DNAL1: variants seen among roughly 807,000 people sequenced by gnomAD.
The protein encoded by DNAL1 is dynein axonemal light chain 1, also known as chromosome 14 open reading frame 168.
In DNAL1, 17 loss-of-function variants were observed where a neutral mutation model predicts 29.4. The observed-to-expected ratio is 0.58, with a 90% CI of 0.40 to 0.87. The LOEUF (loss-of-function observed/expected upper bound fraction) is 0.87, where lower values mean the gene tolerates loss of function less well. Ranked by LOEUF, DNAL1 falls within the 40% of genes least tolerant of loss-of-function variation. The probability of loss-of-function intolerance (pLI) is 0.00; values close to 1 mark genes in which losing one functional copy is unlikely to be tolerated. For synonymous variants in DNAL1, 78 were observed against 76.3 expected (o/e 1.02, Z -0.12); for missense variants, 188 against 214.1 (o/e 0.88, Z 0.76).
intron 5 of DNAL1, among the ~76,000 whole-genome samples, chr14:73,679,473 A>G (rs937336128): frequency 1.3e-5 from 2 of 152,162 alleles, no homozygotes; most frequent in Non-Finnish European, 2.9e-5. Context: ...GTTCACTGAG[A>G]GATAATTGGA....
chr14:73,676,500 C>T (rs1408808571), intron 5 of DNAL1, among the ~76,000 whole-genome samples: 1 of 151,782 alleles, frequency 6.6e-6, no homozygotes, highest in African/African-American at 2.4e-5. Flanking sequence ...CCATTTTTTC[C>T]TGTAATTTAG....
rs371616278 is a variant in DNAL1, at chr14:73,691,073, T to G, written c.532+1558T>G. On this transcript the variant is annotated intron_variant, in intron 7 of 7. Transcript: ENST00000553645. ...GTGAAATTGTGCTAATTAATTAATC[T>G]CACCAAACCTTGTTCATTGGTAATC... 6.6e-5 allele frequency among the ~76,000 whole-genome samples: 10 copies of G among 152,318 alleles called. No individual in the cohort carries two copies. In the South Asian group the frequency reaches 2.1e-3, roughly 32 times the overall value.
intron 3 of DNAL1, among the ~76,000 whole-genome samples, chr14:73,660,838 C>A (rs1891325076): frequency 6.6e-6 from 1 of 152,144 alleles, no homozygotes; most frequent in South Asian, 2.1e-4. Context: ...TACTAAAGCA[C>A]CTTGTATATC....
At chr14:73,691,569 T>C (rs1892172739) in intron 7 of DNAL1, among the ~76,000 whole-genome samples, 1 of 152,076 alleles carries the variant, frequency 6.6e-6, no homozygotes, top group South Asian at 2.1e-4. Context: ...TAAAGAGTTA[T>C]AATTATTTTA....
At chr14:73,678,924 A>G (rs773580927) in intron 5 of DNAL1, among the ~76,000 whole-genome samples, 5 of 152,220 alleles carry the variant, frequency 3.3e-5, no homozygotes, top group Non-Finnish European at 7.3e-5. Flanking sequence ...TGCATAGAGT[A>G]TTTCTGGTGA....
At chr14:73,645,371 C>G in intron 1 of DNAL1, among the ~76,000 whole-genome samples, 1 of 151,990 alleles carries the variant, frequency 6.6e-6, no homozygotes, top group Non-Finnish European at 1.5e-5. Context: ...ATAAAGATAT[C>G]TCTTTACATA....
chr14:73,677,998 G>A (rs1488859177), intron 5 of DNAL1, among the ~76,000 whole-genome samples: 5 of 151,476 alleles, frequency 3.3e-5, no homozygotes, highest in Non-Finnish European at 7.4e-5. Context: ...CTGGGCTTAA[G>A]TGATCCTCCC....
At position 73,658,942 on chromosome 14, in the gene DNAL1, G is replaced by A. The variant is rs750381368; in HGVS notation, c.138G>A (p.Met46Ile). 2.0e-6 allele frequency: 3 copies of A among 1,515,488 alleles called. No individual in the cohort carries two copies. Among genetic ancestry groups the A allele is most frequent in the Non-Finnish European group, 2.7e-6 (3 of 1,129,838 alleles). 93.9% of individuals were successfully genotyped at this position (1,515,488 alleles called of 1,614,324 possible). Residue 46 changes from methionine (M) to isoleucine (I), a missense_variant, in exon 3 of 8, where the codon ATG (methionine) becomes ATA (isoleucine). Met to Ile is a conservative substitution (Grantham distance 10, BLOSUM62 1). Coordinates refer to ENST00000553645, the MANE Select transcript of DNAL1 (RefSeq NM_031427.4). ...PIEKMDASLS[M>I]LANCEKLSLS... Reference sequence around the variant, plus strand: ...AGAAGATGGATGCATCCTTGTCCATGCTTGCTAATTGCGAGTAAGTTCTCT... The same window carrying A: ...AGAAGATGGATGCATCCTTGTCCATACTTGCTAATTGCGAGTAAGTTCTCT...
At chr14:73,687,754 T>C (rs530040370) in intron 6 of DNAL1, among the ~76,000 whole-genome samples, 1 of 151,952 alleles carries the variant, frequency 6.6e-6, no homozygotes, top group South Asian at 2.1e-4. Context: ...GCGCCTGTAG[T>C]CCCAGCTACT....
At chr14:73,650,624 C>T (rs1469992864) in intron 1 of DNAL1, among the ~76,000 whole-genome samples, 1 of 151,986 alleles carries the variant, frequency 6.6e-6, no homozygotes, top group Non-Finnish European at 1.5e-5. Context: ...CAAGGAATTT[C>T]CCTTTCTTTT....
chr14:73,677,743 G>C (rs1227275695), intron 5 of DNAL1, among the ~76,000 whole-genome samples: 1 of 149,880 alleles, frequency 6.7e-6, no homozygotes, highest in Admixed American at 6.7e-5. Flanking sequence ...TTTTTTAGTA[G>C]AGACGGGGTT....
At chr14:73,646,425 T>C (rs1890978077) in intron 1 of DNAL1, among the ~76,000 whole-genome samples, 1 of 150,504 alleles carries the variant, frequency 6.6e-6, no homozygotes, top group Non-Finnish European at 1.5e-5. Context: ...CTGTAGGCAG[T>C]TGAAACAAGG....
intron 5 of DNAL1, among the ~76,000 whole-genome samples, chr14:73,674,517 C>T (rs1317583925): frequency 1.3e-5 from 2 of 151,998 alleles, no homozygotes; most frequent in Non-Finnish European, 2.9e-5. Context: ...ACCCAATCAC[C>T]GTATATCTAA....
intron 6 of DNAL1, among the ~76,000 whole-genome samples, chr14:73,687,647 T>C (rs1016627740): frequency 8.6e-5 from 13 of 151,788 alleles, no homozygotes; most frequent in Admixed American, 8.5e-4. Flanking sequence ...CCGAGGCGGG[T>C]GGATCACGAG....
intron 5 of DNAL1, among the ~76,000 whole-genome samples, chr14:73,677,209 A>G (rs543901306): frequency 6.6e-6 from 1 of 152,122 alleles, no homozygotes; most frequent in African/African-American, 2.4e-5. Flanking sequence ...TGACCTCGTG[A>G]TCTGCCCGCC....
intron 2 of DNAL1, among the ~76,000 whole-genome samples, chr14:73,657,330 G>A (rs1007832087): frequency 2.0e-5 from 3 of 152,146 alleles, no homozygotes; most frequent in East Asian, 3.9e-4. Flanking sequence ...ACAGTCGTGT[G>A]CCACCACATC....
intron 2 of DNAL1, among the ~76,000 whole-genome samples, chr14:73,656,645 T>C (rs756441374): frequency 3.3e-5 from 5 of 152,000 alleles, no homozygotes; most frequent in Non-Finnish European, 7.4e-5. Flanking sequence ...AGGTTGGTCT[T>C]GAACTCCTGA....
At chr14:73,662,885 G>A (rs1891388916) in intron 4 of DNAL1, among the ~76,000 whole-genome samples, 1 of 150,824 alleles carries the variant, frequency 6.6e-6, no homozygotes, top group South Asian at 2.1e-4. Flanking sequence ...CTTTGGGGGA[G>A]CCATTGTTTA....
At chr14:73,689,827 G>A (rs1055439302) in intron 7 of DNAL1, among the ~76,000 whole-genome samples, 11 of 151,996 alleles carry the variant, frequency 7.2e-5, no homozygotes, top group African/African-American at 1.7e-4. Context: ...CCGAAGGTCA[G>A]GAGTCTGAGA....
Sources: allele counts gnomAD v4.1 joint callset (sites outside exome capture counted in the v4.1 genomes callset), GRCh38; gene constraint gnomAD v4.1.1; transcripts MANE v1.5; gene names NCBI Gene and HGNC (gene_info 2026-07-23, HGNC 2026-07-21).